The following RBCK1 variants were observed in gnomAD, a reference collection of about 807,000 sequenced individuals.
The protein encoded by RBCK1 is ranBP-type and C3HC4-type zinc finger-containing protein 1.
RBCK1 carries 44 observed loss-of-function variants against 71.1 expected under a neutral mutation model. That is an observed-to-expected ratio of 0.62 (90% CI 0.49 to 0.80). The LOEUF is 0.80. Among genes scored for constraint, RBCK1 ranks in the 30% least tolerant of loss-of-function variants. The pLI is 0.00. For synonymous variants in RBCK1, 306 were observed against 279.7 expected (o/e 1.09, Z -0.94); for missense variants, 569 against 685.0 (o/e 0.83, Z 1.89).
intron 6 of RBCK1, 53 bp from the exon 7 acceptor site, chr20:420,818 T>C: frequency 1.3e-6 from 2 of 1,498,128 alleles, no homozygotes; most frequent in East Asian, 2.5e-5. Flanking sequence ...CTTCGGGGTC[T>C]GACCCGCCCC....
chr20:411,994 C>T (rs996297105), intron 2 of RBCK1, among the ~76,000 whole-genome samples: 2 of 152,216 alleles, frequency 1.3e-5, no homozygotes, highest in African/African-American at 2.4e-5. Context: ...CTCTTGGATA[C>T]ACACTAGCAG....
rs2122332045 is a variant in RBCK1 at position 428,357 on chromosome 20, C to CA, written c.1210-131dup. On this transcript the variant is annotated intron_variant, in intron 9 of 11. Transcript: ENST00000356286. The surrounding 1 kb of genome is among the most constrained non-coding windows in gnomAD (Gnocchi z 5.7). ...CTTCTGTAAAATGGCTTATGCATTA[C>CA]AAAGTGAGGTCCTGCCAGTGACTAC... 1 of 578,826 alleles carries CA rather than the reference C, an allele frequency of 1.7e-6. No homozygotes were observed. The highest frequency in any genetic ancestry group is 3.2e-5 in the East Asian group (1 of 31,088). The allele number at this position is 578,826 out of a possible 1,614,324, so 35.9% of individuals were successfully genotyped here. A position where few individuals can be genotyped will look rare whatever the true frequency, so the allele number is the denominator to read the frequency against.
chr20:427,255 A>T (rs1431945900), intron 8 of RBCK1, 58 bp from the exon 9 acceptor site: 1 of 1,570,020 alleles, frequency 6.4e-7, no homozygotes, highest in Non-Finnish European at 8.7e-7. Context: ...TTTAGTGGTC[A>T]AGGGTCATAT....
Position 422,395 on chromosome 20 carries a change from G to C in RBCK1, c.1029+157G>C, listed in dbSNP as rs1178433927. 6.6e-6 allele frequency among the ~76,000 whole-genome samples: 1 copy of C among 151,566 alleles called. No individual in the cohort carries two copies. Among genetic ancestry groups the C allele is most frequent in the Non-Finnish European group, 1.5e-5 (1 of 67,934 alleles). Reference sequence around the variant, plus strand: ...TGGTCTCAAACTCCTGGGCTTAAGCGATCATTCATCCTCAGCCCCCCAGAC... The same window carrying C: ...TGGTCTCAAACTCCTGGGCTTAAGCCATCATTCATCCTCAGCCCCCCAGAC... On this transcript the variant is annotated intron_variant, in intron 8 of 11. Transcript: ENST00000356286. This position sits in a 1 kb window ranked among gnomAD's most constrained non-coding sequence, Gnocchi z 5.0.
intron 11 of RBCK1, among the ~76,000 whole-genome samples, chr20:429,539 T>C (rs1274647228): frequency 2.0e-5 from 3 of 152,184 alleles, no homozygotes; most frequent in Non-Finnish European, 4.4e-5. Flanking sequence ...GTTCTTTACA[T>C]CTTTAAATGG....
At chr20:419,975 C>T (rs2016285758) in intron 6 of RBCK1, 4 of 985,104 alleles carry the variant, frequency 4.1e-6, no homozygotes, top group Non-Finnish European at 4.8e-6. Flanking sequence ...GTTCACATGC[C>T]CCACTCCCAC....
Position 408,752 on chromosome 20 carries a change from C to T in RBCK1, c.-6C>T, listed in dbSNP as rs377615436. ...CCCCCCAGGGGGATGGGCACAGCCA[C>T]GCCAGATGGACGAGAAGACCAAGAA... On this transcript the variant is annotated 5_prime_UTR_variant, in exon 1 of 12. In the 5' UTR this introduces an upstream ATG that the reference lacks. Coordinates refer to ENST00000356286, the MANE Select transcript of RBCK1 (RefSeq NM_031229.4). The T allele has an allele frequency of 6.2e-7, 1 of 1,612,560 alleles. No individual in the cohort carries two copies. The highest frequency in any genetic ancestry group is 8.5e-7 in the Non-Finnish European group (1 of 1,179,546).
chr20:427,459 T>C lies in RBCK1; in HGVS notation c.1176T>C (p.Pro392=), dbSNP rs761165201. 1.3e-5 allele frequency: 21 copies of C among 1,613,936 alleles called. No individual in the cohort carries two copies. Among genetic ancestry groups the C allele is most frequent in the Non-Finnish European group, 1.8e-5 (21 of 1,180,010 alleles). ...ATGATGTCAATGAGTTCACCTGCCC[T>C]GTGTGTTTCCACGTCAACTGCCTGC... ...FEDDVNEFTC[P]VCFHVNCLLC... The change falls in exon 9 of 12, where the codon CCT becomes CCC. Residue 392 remains proline, a synonymous_variant. Coordinates refer to ENST00000356286, the MANE Select transcript of RBCK1 (RefSeq NM_031229.4).
At position 428,396 on chromosome 20, in the gene RBCK1, A is replaced by T; in HGVS notation, c.1210-95A>T. ...GCCAGTGACTACACCTAGAGGCATT[A>T]AGTGCCTTTGTGGACTCCTGCCCTG... On this transcript the variant is annotated intron_variant, in intron 9 of 11. Coordinates refer to ENST00000356286, the MANE Select transcript of RBCK1 (RefSeq NM_031229.4). The surrounding 1 kb of genome is among the most constrained non-coding windows in gnomAD (Gnocchi z 5.7). The T allele has an allele frequency of 2.6e-6, 2 of 764,928 alleles. No homozygotes were observed. The highest frequency in any genetic ancestry group is 1.8e-5 in the African/African-American group (1 of 55,920). The allele number at this position is 764,928 out of a possible 1,614,324, so 47.4% of individuals were successfully genotyped here. A position where few individuals can be genotyped will look rare whatever the true frequency, so the allele number is the denominator to read the frequency against.
chr20:427,262 A>G (rs762390613), intron 8 of RBCK1, 51 bp from the exon 9 acceptor site: 1 of 1,587,148 alleles, frequency 6.3e-7, no homozygotes, highest in South Asian at 1.1e-5. Flanking sequence ...GTCAAGGGTC[A>G]TATGTCAGGT....
rs1301280874 is a variant in RBCK1, at chr20:417,297, G to T, written c.168-229G>T. ...CATGGAGGCCCTCGTGTGCTGCCAC[G>T]AGTTGATTCTAAGAGTAGCGTGGAG... On this transcript the variant is annotated intron_variant, in intron 2 of 11. Transcript: ENST00000356286. The surrounding 1 kb of genome is among the most constrained non-coding windows in gnomAD (Gnocchi z 4.7). The T allele has an allele frequency of 4.2e-6, 3 of 706,560 alleles. No individual in the cohort carries two copies. Among genetic ancestry groups the T allele is most frequent in the Admixed American group, 1.9e-5 (1 of 53,536 alleles). The allele number at this position is 706,560 out of a possible 1,614,324, so 43.8% of individuals were successfully genotyped here.
Position 428,262 on chromosome 20 carries a change from G to A in RBCK1, c.1210-229G>A, listed in dbSNP as rs1424122164. On this transcript the variant is annotated intron_variant, in intron 9 of 11. Transcript: ENST00000356286. This position sits in a 1 kb window ranked among gnomAD's most constrained non-coding sequence, Gnocchi z 5.7. The stretch of plus-strand genomic sequence containing the variant: ...CATGTCAGTGGTCCCAGCTACTCAG[G>A]AGGCTGAGGTATATTTTGCTGTTAG... Among the ~76,000 whole-genome samples, 3 of 152,186 alleles carry A rather than the reference G, an allele frequency of 2.0e-5. No individual in the cohort carries two copies. The highest frequency in any genetic ancestry group is 3.8e-4 in the East Asian group (2 of 5,198).
chr20:415,678 T>C (rs1396074965), intron 2 of RBCK1, among the ~76,000 whole-genome samples: 1 of 152,208 alleles, frequency 6.6e-6, no homozygotes, highest in Non-Finnish European at 1.5e-5. Context: ...TCATGGTATG[T>C]ATTAGACCAC....
chr20:429,137 G>A (rs1479745686), intron 11 of RBCK1, 43 bp downstream of exon 11: 11 of 1,577,892 alleles, frequency 7.0e-6, no homozygotes, highest in Admixed American at 1.8e-5. Flanking sequence ...TGCCCTTGTG[G>A]GCTTTGCCTT....
At chr20:415,562 T>C (rs1236507944) in intron 2 of RBCK1, among the ~76,000 whole-genome samples, 2 of 152,144 alleles carry the variant, frequency 1.3e-5, no homozygotes, top group Non-Finnish European at 2.9e-5. Context: ...ATGTCTTAAG[T>C]CCCTTTTACT....
intron 8 of RBCK1, among the ~76,000 whole-genome samples, chr20:424,807 AGTCT>A (rs1169495384): frequency 3.3e-5 from 5 of 152,202 alleles, no homozygotes; most frequent in Admixed American, 2.0e-4. Flanking sequence ...AGTTGATGTG[AGTCT>A]CAGAAAATGG....
chr20:414,448 G>A (rs2015882190), intron 2 of RBCK1, among the ~76,000 whole-genome samples: 1 of 152,184 alleles, frequency 6.6e-6, no homozygotes, highest in South Asian at 2.1e-4. Context: ...AGACTGGCCA[G>A]TGAATATGCA....
Position 417,972 on chromosome 20 carries a change from C to A in RBCK1, c.460+42C>A. Reference sequence around the variant, plus strand: ...AGCACCGCCGGACCCAGCGGGGGCCCTGGACTCACTTGAGGGCATAGGGCA... The same window carrying A: ...AGCACCGCCGGACCCAGCGGGGGCCATGGACTCACTTGAGGGCATAGGGCA... On this transcript the variant is annotated intron_variant, in intron 4 of 11. Transcript: ENST00000356286. The surrounding 1 kb of genome is among the most constrained non-coding windows in gnomAD (Gnocchi z 4.7). 1 of 1,569,866 alleles carries A rather than the reference C, an allele frequency of 6.4e-7. No homozygotes were observed. Among genetic ancestry groups the A allele is most frequent in the Middle Eastern group, 1.8e-4 (1 of 5,526 alleles).
At chr20:423,254 G>A (rs113051328) in intron 8 of RBCK1, among the ~76,000 whole-genome samples, 3,523 of 152,244 alleles carry the variant, frequency 0.023, 148 homozygotes, top group African/African-American at 0.08. Context: ...AACTGAGATC[G>A]CGCCATTGCA....
Sources: allele counts gnomAD v4.1 joint callset (sites outside exome capture counted in the v4.1 genomes callset), GRCh38; gene constraint gnomAD v4.1.1; non-coding constraint Gnocchi (gnomAD v3.1); transcripts MANE v1.5; gene names NCBI Gene and HGNC (gene_info 2026-07-23, HGNC 2026-07-21).